PLEKHA5: variants seen among roughly 807,000 people sequenced by gnomAD.
PLEKHA5 encodes the protein pleckstrin homology domain containing A5, also known as pleckstrin homology domain-containing family A member 5.
A neutral mutation model predicts 181.9 loss-of-function variants in PLEKHA5; 55 were observed. That is an observed-to-expected ratio of 0.30 (90% CI 0.24 to 0.38). PLEKHA5 has a LOEUF of 0.38. Among genes scored for constraint, PLEKHA5 ranks in the 10% least tolerant of loss-of-function variants. The probability of loss-of-function intolerance (pLI) is 1.00; values close to 1 mark genes in which losing one functional copy is unlikely to be tolerated. For missense variants in PLEKHA5, 1,432 were observed against 1,549.5 expected (o/e 0.92, Z 1.27); for synonymous variants, 535 against 529.4 (o/e 1.01, Z -0.15).
chr12:19,313,076 C>T (rs2087151248), intron 15 of PLEKHA5, among the ~76,000 whole-genome samples: 1 of 152,104 alleles, frequency 6.6e-6, no homozygotes. Context: ...AACACACAAC[C>T]TTTATCGATT....
intron 3 of PLEKHA5, among the ~76,000 whole-genome samples, chr12:19,186,286 C>G (rs535329913): frequency 1.3e-5 from 2 of 152,220 alleles, no homozygotes; most frequent in African/African-American, 4.8e-5. Context: ...AATAACAGAG[C>G]AGTTGGGAAG....
chr12:19,291,883 A>C (rs2078544888), intron 15 of PLEKHA5, among the ~76,000 whole-genome samples, 186 bp downstream of exon 15: 1 of 152,210 alleles, frequency 6.6e-6, no homozygotes, highest in Non-Finnish European at 1.5e-5. Flanking sequence ...GAGAAAGGAC[A>C]GGTGTGGAGG....
At chr12:19,345,961 C>A in intron 23 of PLEKHA5, 73 bp downstream of exon 23, 1 of 714,680 alleles carries the variant, frequency 1.4e-6, no homozygotes, top group Non-Finnish European at 2.4e-6. Flanking sequence ...TAATTGTCTT[C>A]TCTAATCTTA....
intron 21 of PLEKHA5, among the ~76,000 whole-genome samples, chr12:19,340,171 G>A (rs2093744805): frequency 6.6e-6 from 1 of 152,164 alleles, no homozygotes; most frequent in South Asian, 2.1e-4. Flanking sequence ...TTCAACAAGG[G>A]ATAACTATTT....
At chr12:19,277,612 A>G (rs1052514844) in intron 11 of PLEKHA5, among the ~76,000 whole-genome samples, 2 of 152,212 alleles carry the variant, frequency 1.3e-5, no homozygotes, top group African/African-American at 2.4e-5. Flanking sequence ...ACTTTGGATC[A>G]TAAGAAAATA....
chr12:19,292,550 C>T (rs1355528740), intron 15 of PLEKHA5, among the ~76,000 whole-genome samples: 1 of 152,200 alleles, frequency 6.6e-6, no homozygotes, highest in Non-Finnish European at 1.5e-5. Flanking sequence ...TCTTTGCCAA[C>T]GTGTGTAGAG....
chr12:19,179,177 T>C (rs979764740), intron 3 of PLEKHA5, among the ~76,000 whole-genome samples: 2 of 152,246 alleles, frequency 1.3e-5, no homozygotes, highest in African/African-American at 4.8e-5. Context: ...ATATAACAAT[T>C]GTTTAATGCT....
intron 3 of PLEKHA5, among the ~76,000 whole-genome samples, chr12:19,243,899 C>G (rs892686742): frequency 1.3e-5 from 2 of 152,080 alleles, no homozygotes; most frequent in African/African-American, 4.8e-5. Context: ...TAAAACATTG[C>G]CTTTAATTGT....
At chr12:19,205,849 T>C (rs1277278006) in intron 3 of PLEKHA5, among the ~76,000 whole-genome samples, 1 of 152,112 alleles carries the variant, frequency 6.6e-6, no homozygotes, top group East Asian at 1.9e-4. Flanking sequence ...ACCAAAGTAA[T>C]AGGTAAGACC....
chr12:19,364,961 C>T (rs2095378923), intron 29 of PLEKHA5, among the ~76,000 whole-genome samples: 2 of 152,118 alleles, frequency 1.3e-5, no homozygotes, highest in Non-Finnish European at 2.9e-5. Flanking sequence ...CGCTCAGCCA[C>T]ACTGATCATT....
In PLEKHA5 at chr12:19,283,585, C is replaced by A. The variant is rs1482678701; in HGVS notation, c.1619C>A (p.Ser540Tyr). Residue 540 changes from serine to tyrosine, a missense_variant, in exon 12 of 32, where the codon TCT becomes TAT. Physicochemically the swap from Ser to Tyr is moderately radical, Grantham distance 144 (BLOSUM62 -2). Around this residue, in one of 2 missense-constraint regions of PLEKHA5, gnomAD observed 1,143 missense variants for 1,168.4 expected, o/e 0.98. Coordinates refer to ENST00000429027, the MANE Select transcript of PLEKHA5 (RefSeq NM_001256470.2). ...AGTCCCAAAACCATGGTAAATATTT[C>A]TGACCAGACAATGCACTCTATTCCC... ...LSSPKTMVNI[S>Y]DQTMHSIPTS... 1 of 1,614,052 alleles carries A rather than the reference C, an allele frequency of 6.2e-7. No homozygotes were observed. The highest frequency in any genetic ancestry group is 8.5e-7 in the Non-Finnish European group (1 of 1,180,022).
At chr12:19,161,733 T>G (rs1433861536) in intron 3 of PLEKHA5, among the ~76,000 whole-genome samples, 1 of 152,204 alleles carries the variant, frequency 6.6e-6, no homozygotes, top group Non-Finnish European at 1.5e-5. Flanking sequence ...TCTCCAGGAT[T>G]AGCAGATATT....
At chr12:19,184,059 G>T (rs2151881623) in intron 3 of PLEKHA5, among the ~76,000 whole-genome samples, 1 of 152,234 alleles carries the variant, frequency 6.6e-6, no homozygotes, top group Non-Finnish European at 1.5e-5. Context: ...ACCACGTCTG[G>T]TGCCTATGGA....
intron 13 of PLEKHA5, among the ~76,000 whole-genome samples, chr12:19,290,402 CT>C (rs915786903): frequency 1.8e-4 from 27 of 151,958 alleles, no homozygotes; most frequent in Admixed American, 1.1e-3. Flanking sequence ...TGGCATTGTG[CT>C]TTTTTGTACT....
At chr12:19,201,078 G>C (rs1206240262) in intron 3 of PLEKHA5, 3 of 151,982 alleles carry the variant, frequency 2.0e-5, no homozygotes. Context: ...CAGACTGGGA[G>C]AAAGTACAGG....
intron 21 of PLEKHA5, among the ~76,000 whole-genome samples, chr12:19,340,449 G>A (rs1472920188): frequency 1.4e-3 from 91 of 63,422 alleles, no homozygotes; most frequent in Non-Finnish European, 3.5e-3. Context: ...CGTCTGGGAG[G>A]TGTACTCAAC....
intron 25 of PLEKHA5, among the ~76,000 whole-genome samples, chr12:19,352,383 T>TC (rs1555170565): frequency 2.1e-5 from 3 of 141,952 alleles, no homozygotes; most frequent in Admixed American, 1.5e-4. Context: ...AGACTCCATC[T>TC]CAAAAAAAAA....
Position 19,353,930 on chromosome 12 carries a change from A to G in PLEKHA5, c.3066A>G (p.Pro1022=). 1 of 1,611,854 alleles carries G rather than the reference A, an allele frequency of 6.2e-7. No homozygotes were observed. The highest frequency in any genetic ancestry group is 8.5e-7 in the Non-Finnish European group (1 of 1,178,066). Residue 1022 remains proline (P), a synonymous_variant, in exon 26 of 32, where the codon CCA becomes CCG. Transcript: ENST00000429027. ...VGVVPPRAKS[P]TPESSTIASY... ...TAGTCCCTCCAAGAGCAAAATCACC[A>G]ACACCCGAATCTTCGACAATAGCTT... is the stretch of plus-strand genomic sequence containing the variant.
intron 29 of PLEKHA5, among the ~76,000 whole-genome samples, chr12:19,362,735 C>T (rs35780456): frequency 0.076 from 11,517 of 151,498 alleles, 509 homozygotes; most frequent in African/African-American, 0.11. Context: ...ACTCCAGCCT[C>T]GGCAACAGAG....
Sources: allele counts gnomAD v4.1 joint callset (sites outside exome capture counted in the v4.1 genomes callset), GRCh38; gene constraint gnomAD v4.1.1; regional missense constraint gnomAD v4.1.1; transcripts MANE v1.5; gene names NCBI Gene and HGNC (gene_info 2026-07-23, HGNC 2026-07-21).